The following MAN2A1 variants were observed in gnomAD, a reference collection of about 807,000 sequenced individuals.
The protein encoded by MAN2A1 is mannosidase alpha class 2A member 1, also known as alpha-mannosidase 2.
A neutral mutation model predicts 142.6 loss-of-function variants in MAN2A1; 76 were observed. That is an observed-to-expected ratio of 0.53 (90% confidence interval 0.44 to 0.65). The LOEUF (loss-of-function observed/expected upper bound fraction) is 0.65. Ranked by LOEUF, MAN2A1 falls within the 30% of genes least tolerant of loss-of-function variation. The pLI is 0.00. For synonymous variants in MAN2A1, 559 were observed against 473.2 expected (o/e 1.18, Z -2.35); for missense variants, 1,311 against 1,365.1 (o/e 0.96, Z 0.62).
chr5:109,834,000 T>G (rs1203261251), intron 16 of MAN2A1, among the ~76,000 whole-genome samples: 1 of 152,150 alleles, frequency 6.6e-6, no homozygotes, highest in Non-Finnish European at 1.5e-5. Context: ...AGGTGAGAGA[T>G]ATGCTGCTGC....
At chr5:109,808,609 T>G (rs1159087375) in intron 12 of MAN2A1, among the ~76,000 whole-genome samples, 1 of 152,096 alleles carries the variant, frequency 6.6e-6, no homozygotes, top group African/African-American at 2.4e-5. Flanking sequence ...TATAATGTTT[T>G]GAATAGTATT....
intron 6 of MAN2A1, 136 bp downstream of exon 6, chr5:109,767,844 A>G: frequency 3.0e-6 from 2 of 666,086 alleles, no homozygotes; most frequent in East Asian, 5.2e-5. Context: ...TCACTCTCGT[A>G]ATTATTTTTC....
Position 109,868,016 on chromosome 5 carries a change from A to C in MAN2A1, c.*1018A>C, listed in dbSNP as rs1202541898. The C allele has an allele frequency of 1.3e-5, 2 of 152,150 alleles. No individual in the cohort carries two copies. The highest frequency in any genetic ancestry group is 2.9e-5 in the Non-Finnish European group (2 of 68,004). The allele number at this position is 152,150 out of a possible 1,614,324, so 9.4% of individuals were successfully genotyped here. On this transcript the variant is annotated 3_prime_UTR_variant, in exon 22 of 22. Transcript: ENST00000261483. The stretch of plus-strand genomic sequence containing the variant: ...TAAATTTGTGGTGATGTTACTCTAA[A>C]CATTTTGACTATTTGAATGTACTGA...
chr5:109,713,869 T>A, intron 2 of MAN2A1, 95 bp downstream of exon 2: 1 of 1,199,140 alleles, frequency 8.3e-7, no homozygotes, highest in Non-Finnish European at 1.2e-6. Context: ...GTAAGTTGCT[T>A]AAACTCTTTG....
intron 19 of MAN2A1, among the ~76,000 whole-genome samples, chr5:109,851,962 G>T (rs1755492354): frequency 6.6e-6 from 1 of 152,070 alleles, no homozygotes; most frequent in South Asian, 2.1e-4. Context: ...CAGTAAACTT[G>T]AGGACATATC....
chr5:109,823,310 A>C (rs1754675996), intron 15 of MAN2A1, among the ~76,000 whole-genome samples: 1 of 152,166 alleles, frequency 6.6e-6, no homozygotes, highest in South Asian at 2.1e-4. Flanking sequence ...GACTCCCTGT[A>C]GTCATCCTTG....
intron 5 of MAN2A1, among the ~76,000 whole-genome samples, chr5:109,756,605 C>T (rs1018023945): frequency 1.3e-5 from 2 of 152,134 alleles, no homozygotes; most frequent in Non-Finnish European, 2.9e-5. Flanking sequence ...CATTTTGACA[C>T]ATTTACTTAA....
At chr5:109,849,195 C>G (rs1250352078) in intron 19 of MAN2A1, among the ~76,000 whole-genome samples, 1 of 152,014 alleles carries the variant, frequency 6.6e-6, no homozygotes, top group African/African-American at 2.4e-5. Context: ...TGGCCTTCTC[C>G]TTTTCTTATT....
Position 109,775,300 on chromosome 5 carries a change from T to G in MAN2A1, c.1374+335T>G, listed in dbSNP as rs555574620. Among the ~76,000 whole-genome samples the G allele has an allele frequency of 3.7e-4, 56 of 152,260 alleles. No individual in the cohort carries two copies. In the South Asian group the frequency reaches 0.011, roughly 30 times the overall value. ...TTTTGTTTTGTTTTTTTACCAACAT[T>G]GAAAGTCTGTTATTTCTCTCTGACA... On this transcript the variant is annotated intron_variant, in intron 8 of 21. Transcript: ENST00000261483.
At chr5:109,831,297 A>T (rs538478741) in intron 16 of MAN2A1, among the ~76,000 whole-genome samples, 13 of 152,342 alleles carry the variant, frequency 8.5e-5, no homozygotes, top group African/African-American at 3.1e-4. Flanking sequence ...CAGATGGGTT[A>T]GATAGTTTAC....
chr5:109,788,700 G>A (rs1753660925), intron 10 of MAN2A1, among the ~76,000 whole-genome samples: 1 of 151,716 alleles, frequency 6.6e-6, no homozygotes, highest in African/African-American at 2.4e-5. Context: ...TTATGTTTAT[G>A]TGTTTCAGGT....
intron 7 of MAN2A1, among the ~76,000 whole-genome samples, chr5:109,772,242 G>A (rs1022189768): frequency 2.0e-5 from 3 of 152,060 alleles, no homozygotes; most frequent in Non-Finnish European, 2.9e-5. Flanking sequence ...GGCGGCGTGT[G>A]CCTGTAATCC....
chr5:109,705,044 C>T (rs1235357283), intron 1 of MAN2A1, among the ~76,000 whole-genome samples: 2 of 152,100 alleles, frequency 1.3e-5, no homozygotes, highest in Non-Finnish European at 2.9e-5. Context: ...CTTCTGTCTC[C>T]TCCCCAGTAA....
intron 15 of MAN2A1, among the ~76,000 whole-genome samples, chr5:109,822,673 G>GA (rs1394256860): frequency 2.6e-5 from 4 of 151,002 alleles, no homozygotes; most frequent in East Asian, 1.9e-4. Flanking sequence ...ACACAATTCT[G>GA]AAAAAAAAAT....
At chr5:109,846,448 G>A (rs7710541) in intron 18 of MAN2A1, among the ~76,000 whole-genome samples, 199 of 152,244 alleles carry the variant, frequency 1.3e-3, no homozygotes, top group African/African-American at 4.6e-3. Flanking sequence ...AAGAAGGAAG[G>A]GAGTAGAAAT....
rs558904505 is a variant in MAN2A1 at position 109,747,701 on chromosome 5, A to G, written c.708-7628A>G. 2.4e-4 allele frequency among the ~76,000 whole-genome samples: 37 copies of G among 152,244 alleles called. No homozygotes were observed. The South Asian group carries it at 6.2e-3, about 26-fold the overall frequency. ...ACATTATTCTCTAGGGCTTTCCCCA[A>G]ATTGTTTTAGAACAAGCAAGTTGAC... On this transcript the variant is annotated intron_variant, in intron 4 of 21. Coordinates refer to ENST00000261483, the MANE Select transcript of MAN2A1 (RefSeq NM_002372.4).
At chr5:109,814,455 T>C (rs1580279441) in intron 12 of MAN2A1, among the ~76,000 whole-genome samples, 4 of 152,230 alleles carry the variant, frequency 2.6e-5, no homozygotes, top group Admixed American at 2.6e-4. Flanking sequence ...CTACTTAAAA[T>C]GTACATAGAT....
At chr5:109,830,292 G>C (rs1024367475) in intron 16 of MAN2A1, among the ~76,000 whole-genome samples, 10 of 152,124 alleles carry the variant, frequency 6.6e-5, no homozygotes, top group African/African-American at 2.4e-4. Context: ...GAGGAGTATG[G>C]GTTTGTCCTT....
intron 1 of MAN2A1, 55 bp downstream of exon 1, chr5:109,690,607 T>TA: frequency 6.5e-7 from 1 of 1,538,290 alleles, no homozygotes. Flanking sequence ...TGCGGGCCCC[T>TA]GGTTAGCGGC....
Sources: gnomAD v4.1 joint callset for allele counts (sites outside exome capture counted in the v4.1 genomes callset) on GRCh38, gnomAD v4.1.1 for gene constraint, MANE v1.5 for transcripts, NCBI Gene and HGNC (gene_info 2026-07-23, HGNC 2026-07-21) for gene names.